The following DRC10 variants were observed in gnomAD, a reference collection of about 807,000 sequenced individuals.
DRC10 encodes dynein regulatory complex subunit 10, also known as IQ domain-containing protein D.
the DRC10 span, among the ~76,000 whole-genome samples, chr12:113,219,759 G>A: frequency 0.021 from 3,204 of 151,944 alleles, 111 homozygotes; most frequent in African/African-American, 0.074. Flanking sequence ...CGCAACCTCC[G>A]CCTCTTGCGA....
At chr12:113,214,371 T>A in the DRC10 span, among the ~76,000 whole-genome samples, 1 of 151,138 alleles carries the variant, frequency 6.6e-6, no homozygotes, top group Non-Finnish European at 1.5e-5. Context: ...CCGGGTGTGG[T>A]GAAACATGCC....
At chr12:113,219,742 G>A in the DRC10 span, among the ~76,000 whole-genome samples, 960 of 152,088 alleles carry the variant, frequency 6.3e-3, 10 homozygotes, top group African/African-American at 0.021. Context: ...GTGCAATCAT[G>A]GCTCACCGCA....
the DRC10 span, chr12:113,207,298 A>C: frequency 1.3e-6 from 1 of 774,962 alleles, no homozygotes; most frequent in African/African-American, 1.7e-5. Context: ...CAGTGAGTCG[A>C]GATTACACCA....
chr12:113,210,612 GA>G, the DRC10 span, among the ~76,000 whole-genome samples: 21,093 of 107,280 alleles, frequency 0.2, 1,684 homozygotes, highest in African/African-American at 0.22. Context: ...AAGAAAAAAA[GA>G]AAAAAAAAAA....
the DRC10 span, chr12:113,195,538 G>T: frequency 6.5e-7 from 1 of 1,535,034 alleles, no homozygotes; most frequent in Non-Finnish European, 8.8e-7. Context: ...CCTGGTCTCT[G>T]GGAAGATAAG....
the DRC10 span, among the ~76,000 whole-genome samples, chr12:113,213,198 A>AAAC: frequency 1.3e-5 from 2 of 148,834 alleles, no homozygotes; most frequent in Admixed American, 6.7e-5. Flanking sequence ...AAAAAAAAAA[A>AAAC]AAAAAACCAA....
the DRC10 span, chr12:113,202,988 C>T: frequency 2.2e-6 from 1 of 449,254 alleles, no homozygotes; most frequent in Non-Finnish European, 4.5e-6. Context: ...TGTATGTGTG[C>T]AATATGACAA....
the DRC10 span, among the ~76,000 whole-genome samples, chr12:113,203,799 T>TTG: frequency 6.7e-6 from 1 of 148,446 alleles, no homozygotes; most frequent in Non-Finnish European, 1.5e-5. Context: ...TTTTTTTTTT[T>TTG]TTTGTAGAGA....
chr12:113,220,607 C>G, the DRC10 span, among the ~76,000 whole-genome samples: 2 of 152,186 alleles, frequency 1.3e-5, no homozygotes. Context: ...AATTTAAACA[C>G]TGAAGTGAGA....
chr12:113,195,926 G>T, the DRC10 span: 1 of 1,558,260 alleles, frequency 6.4e-7, no homozygotes. Flanking sequence ...ACCACACATA[G>T]AGTGCCTCCT....
the DRC10 span, among the ~76,000 whole-genome samples, chr12:113,196,098 T>G: frequency 1.3e-5 from 2 of 152,106 alleles, no homozygotes; most frequent in Non-Finnish European, 2.9e-5. Context: ...TGAAATAATT[T>G]CAGGAACAGG....
chr12:113,197,475 C>G, the DRC10 span: 1 of 1,130,834 alleles, frequency 8.8e-7, no homozygotes, highest in Non-Finnish European at 1.3e-6. Flanking sequence ...CTACTTTTCC[C>G]ATTCATCCCA....
chr12:113,196,143 G>C, the DRC10 span, among the ~76,000 whole-genome samples: 1 of 152,174 alleles, frequency 6.6e-6, no homozygotes, highest in East Asian at 1.9e-4. Flanking sequence ...GGCAGACTTA[G>C]TTTTAAGTCC....
chr12:113,208,056 C>T, the DRC10 span: 5 of 1,614,070 alleles, frequency 3.1e-6, no homozygotes, highest in African/African-American at 2.7e-5. Context: ...TAGAGAGAAC[C>T]AAGGGTTTTA....
At chr12:113,207,665 G>A in the DRC10 span, 1 of 1,614,060 alleles carries the variant, frequency 6.2e-7, no homozygotes, top group Non-Finnish European at 8.5e-7. Flanking sequence ...ATCTGCAGGA[G>A]CCTAGCAGCC....
the DRC10 span, among the ~76,000 whole-genome samples, chr12:113,218,303 A>ATT: frequency 7.1e-3 from 1,045 of 147,594 alleles, 5 homozygotes; most frequent in African/African-American, 0.023. Context: ...CGCGCAGCTA[A>ATT]TTTTTTTTTT....
the DRC10 span, among the ~76,000 whole-genome samples, chr12:113,203,777 AT>A: frequency 5.9e-3 from 571 of 96,962 alleles, no homozygotes; most frequent in African/African-American, 0.016. Context: ...TGCCCAGCTA[AT>A]TTTTTTTTTT....
chr12:113,200,694 A>G, the DRC10 span: 46 of 1,536,086 alleles, frequency 3.0e-5, 1 homozygote, highest in South Asian at 5.5e-4. Context: ...ATGCCCGGAA[A>G]TCGGCCTTCT....
At chr12:113,217,619 C>A in the DRC10 span, among the ~76,000 whole-genome samples, 293 of 152,290 alleles carry the variant, frequency 1.9e-3, 8 homozygotes, top group East Asian at 0.04. Flanking sequence ...GCAACCTCCA[C>A]CCCCCTGGTT....
Sources: allele counts gnomAD v4.1 joint callset (sites outside exome capture counted in the v4.1 genomes callset), GRCh38; gene constraint gnomAD v4.1.1; transcripts MANE v1.5; gene names NCBI Gene and HGNC (gene_info 2026-07-23, HGNC 2026-07-21).